The following TNNI3K variants were observed in gnomAD, a reference collection of about 807,000 sequenced individuals.
TNNI3K encodes the protein serine/threonine-protein kinase TNNI3K.
In TNNI3K, 140 loss-of-function variants were observed where a neutral mutation model predicts 114.5. The observed-to-expected ratio is 1.22, with a 90% CI of 1.07 to 1.41. The LOEUF is 1.41. Among genes scored for constraint, TNNI3K ranks in the 40% most tolerant of loss-of-function variants. TNNI3K has a pLI of 0.00. For missense variants in TNNI3K, 1,125 were observed against 1,007.6 expected (o/e 1.12, Z -1.58); for synonymous variants, 347 against 347.5 (o/e 1.00, Z 0.02).
chr1:74,344,325 C>A (rs929920158), intron 9 of TNNI3K, among the ~76,000 whole-genome samples: 1 of 152,188 alleles, frequency 6.6e-6, no homozygotes, highest in East Asian at 1.9e-4. Flanking sequence ...TTTATTATCT[C>A]TCTTTTACAG....
chr1:74,456,019 G>A (rs745971079), intron 20 of TNNI3K, among the ~76,000 whole-genome samples: 1 of 152,102 alleles, frequency 6.6e-6, no homozygotes, highest in African/African-American at 2.4e-5. Context: ...GTTTTAAAAA[G>A]GAATATAGAA....
intron 17 of TNNI3K, among the ~76,000 whole-genome samples, chr1:74,422,879 A>T (rs1431710255): frequency 6.6e-6 from 1 of 152,128 alleles, no homozygotes; most frequent in Non-Finnish European, 1.5e-5. Flanking sequence ...AATACTAATC[A>T]TGTGTCACTT....
intron 11 of TNNI3K, among the ~76,000 whole-genome samples, chr1:74,361,530 A>G (rs1661966706): frequency 6.6e-6 from 1 of 152,122 alleles, no homozygotes; most frequent in South Asian, 2.1e-4. Flanking sequence ...TTGCCAACCT[A>G]ATGTGTGACA....
chr1:74,487,626 A>T lies in TNNI3K; in HGVS notation c.2122-1563A>T, dbSNP rs1269318278. Among the ~76,000 whole-genome samples, 4 of 152,126 alleles carry T rather than the reference A, an allele frequency of 2.6e-5. No individual in the cohort carries two copies. The East Asian group carries it at 5.8e-4, about 22-fold the overall frequency. On this transcript the variant is annotated intron_variant, in intron 21 of 24. Coordinates refer to ENST00000326637, the MANE Select transcript of TNNI3K (RefSeq NM_015978.3). ...GAATCTAATGATAAATGTAAATGAA[A>T]TATAAGGTAAAGGGAAAGTGAGTGA...
rs1159175914 is a variant in TNNI3K at position 74,261,406 on chromosome 1, CATGTTAA to C, written c.334-10190_334-10184del. ...AACTGAAGCCGCCAGTGTAAATTTA[CATGTTAA>C]ACATGAATGAAACTTCATTTATCTT... On this transcript the variant is annotated intron_variant, in intron 4 of 24. Transcript: ENST00000326637. Among the ~76,000 whole-genome samples the C allele has an allele frequency of 2.6e-5, 4 of 152,030 alleles. No individual in the cohort carries two copies. The East Asian group carries it at 7.7e-4, about 29-fold the overall frequency.
rs113229834 is a variant in TNNI3K at position 74,343,176 on chromosome 1, A to T, written c.929A>T (p.His310Leu). ...KENIFSETAF[H>L]SACTYGKSID... is the part of the protein sequence containing the mutation. ...AACATCTTCAGTGAAACAGCTTTTC[A>T]TAGGTAAAAGAATATTTAAGTGCAA... The change falls in exon 9 of 25, where the codon CAT becomes CTT. Residue 310 changes from histidine (H) to leucine (L), a missense_variant. His to Leu is a moderately conservative substitution (Grantham distance 99). Coordinates refer to ENST00000326637, the MANE Select transcript of TNNI3K (RefSeq NM_015978.3). 1.9e-6 allele frequency: 3 copies of T among 1,609,790 alleles called. No individual in the cohort carries two copies. The highest frequency in any genetic ancestry group is 2.2e-5 in the East Asian group (1 of 44,666).
At chr1:74,462,642 C>A (rs45521235) in intron 20 of TNNI3K, among the ~76,000 whole-genome samples, 2,936 of 152,262 alleles carry the variant, frequency 0.019, 90 homozygotes, top group African/African-American at 0.067. Context: ...TAGTTATCTA[C>A]CATGATGCCT....
At chr1:74,380,743 T>G (rs530950309) in intron 17 of TNNI3K, among the ~76,000 whole-genome samples, 1 of 152,308 alleles carries the variant, frequency 6.6e-6, no homozygotes, top group South Asian at 2.1e-4. Flanking sequence ...GTGAATGCCC[T>G]CTTGGCACCT....
At chr1:74,293,279 T>A (rs1021354358) in intron 5 of TNNI3K, among the ~76,000 whole-genome samples, 2 of 151,738 alleles carry the variant, frequency 1.3e-5, no homozygotes, top group Non-Finnish European at 3.0e-5. Context: ...GTATATGTGA[T>A]GATCTGTTTC....
intron 5 of TNNI3K, among the ~76,000 whole-genome samples, chr1:74,296,646 GA>G (rs898212655): frequency 2.7e-5 from 4 of 150,070 alleles, no homozygotes; most frequent in Non-Finnish European, 3.0e-5. Flanking sequence ...TTGCTTGTTA[GA>G]AAAAAAAATG....
intron 4 of TNNI3K, among the ~76,000 whole-genome samples, chr1:74,262,059 C>A (rs1655708114): frequency 6.6e-6 from 1 of 151,454 alleles, no homozygotes; most frequent in Admixed American, 6.6e-5. Context: ...TTTATCCTGA[C>A]TTTTTTTTTC....
chr1:74,493,752 T>C (rs970648481), intron 23 of TNNI3K, among the ~76,000 whole-genome samples: 1 of 152,174 alleles, frequency 6.6e-6, no homozygotes, highest in Non-Finnish European at 1.5e-5. Flanking sequence ...CTGGGGTATA[T>C]TCTTCTCACA....
At chr1:74,406,307 C>T (rs1238210694) in intron 17 of TNNI3K, among the ~76,000 whole-genome samples, 4 of 152,222 alleles carry the variant, frequency 2.6e-5, no homozygotes, top group Admixed American at 6.5e-5. Flanking sequence ...TAAAACATTA[C>T]GAGTTTTTTG....
intron 23 of TNNI3K, among the ~76,000 whole-genome samples, chr1:74,522,161 G>A (rs1449849716): frequency 1.3e-5 from 2 of 152,124 alleles, no homozygotes; most frequent in African/African-American, 2.4e-5. Flanking sequence ...ACTTAATATA[G>A]CAGGTGAAGC....
At position 74,518,862 on chromosome 1, in the gene TNNI3K, AT is replaced by A. The variant is rs1376224165; in HGVS notation, c.2352-21364del. On this transcript the variant is annotated intron_variant, in intron 23 of 24. Transcript: ENST00000326637. The stretch of plus-strand genomic sequence containing the variant: ...CTTACTTTATTTTTTATTTTATTTT[AT>A]TTTTTTTCCCCTTTTTTTTTTTTTT... 3.6e-3 allele frequency among the ~76,000 whole-genome samples: 268 copies of A among 74,270 alleles called. 5 individuals are homozygous for A. The highest frequency in any genetic ancestry group is 0.017 in the Middle Eastern group (2 of 118). 48.7% of individuals were successfully genotyped at this position (74,270 alleles called of 152,430 possible).
intron 17 of TNNI3K, among the ~76,000 whole-genome samples, chr1:74,404,761 A>G (rs1292855120): frequency 6.6e-6 from 1 of 152,106 alleles, no homozygotes; most frequent in Non-Finnish European, 1.5e-5. Flanking sequence ...AATCTCCTAT[A>G]ATTGTGGCTC....
intron 21 of TNNI3K, among the ~76,000 whole-genome samples, chr1:74,482,551 A>G (rs1214814392): frequency 6.6e-6 from 1 of 152,166 alleles, no homozygotes; most frequent in Non-Finnish European, 1.5e-5. Context: ...CCTCCTAATT[A>G]TCAGAGTCGT....
chr1:74,243,027 G>T (rs1310589008), intron 2 of TNNI3K, among the ~76,000 whole-genome samples: 1 of 151,944 alleles, frequency 6.6e-6, no homozygotes, highest in Non-Finnish European at 1.5e-5. Flanking sequence ...TACAAAAACA[G>T]TAAAAATAAT....
intron 23 of TNNI3K, among the ~76,000 whole-genome samples, chr1:74,513,150 C>A (rs539169480): frequency 1.3e-5 from 2 of 152,320 alleles, no homozygotes; most frequent in South Asian, 4.1e-4. Flanking sequence ...GAGATTACAG[C>A]AGAGGTAGGT....
Sources: allele counts gnomAD v4.1 joint callset (sites outside exome capture counted in the v4.1 genomes callset), GRCh38; gene constraint gnomAD v4.1.1; transcripts MANE v1.5; gene names NCBI Gene and HGNC (gene_info 2026-07-23, HGNC 2026-07-21).